Variants in SSBP2 observed in about 807,000 individuals in gnomAD.
The protein encoded by SSBP2 is single stranded DNA binding protein 2.
SSBP2 carries 17 observed loss-of-function variants against 61.8 expected under a neutral mutation model. The observed-to-expected ratio is 0.28, with a 90% CI of 0.19 to 0.41. SSBP2 has a LOEUF of 0.41. Among genes scored for constraint, SSBP2 ranks in the 10% least tolerant of loss-of-function variants. The probability of loss-of-function intolerance (pLI) is 1.00; values close to 1 mark genes in which losing one functional copy is unlikely to be tolerated. For missense variants in SSBP2, 310 were observed against 458.7 expected (o/e 0.68, Z 2.96); for synonymous variants, 139 against 141.3 (o/e 0.98, Z 0.12).
intron 1 of SSBP2, among the ~76,000 whole-genome samples, chr5:81,743,537 G>A (rs1346243927): frequency 3.9e-5 from 6 of 152,186 alleles, no homozygotes; most frequent in Non-Finnish European, 8.8e-5. Context: ...CATGAAAGCA[G>A]GGACTCATTT....
intron 1 of SSBP2, among the ~76,000 whole-genome samples, chr5:81,695,288 T>C (rs1381713267): frequency 1.3e-5 from 2 of 152,166 alleles, no homozygotes; most frequent in Admixed American, 6.5e-5. Flanking sequence ...AGTAATTACA[T>C]AGCAAATGCA....
rs148261957 is a variant in SSBP2 at position 81,534,515 on chromosome 5, T to C, written c.283-20798A>G. On this transcript the variant is annotated intron_variant, in intron 4 of 16. Transcript: ENST00000320672. ...GACAATGTAAGGAGAAAGATGAAAA[T>C]TCTAAGAATAAAAAAGAAATGCTAG... Among the ~76,000 whole-genome samples the C allele has an allele frequency of 7.1e-4, 108 of 152,022 alleles. 1 individual carries two copies. In the East Asian group the frequency reaches 0.02, roughly 28 times the overall value.
chr5:81,465,239 G>A (rs1053586417), intron 9 of SSBP2, among the ~76,000 whole-genome samples: 6 of 152,008 alleles, frequency 3.9e-5, no homozygotes, highest in African/African-American at 1.2e-4. Context: ...TATATTAATA[G>A]TAAAATATGA....
intron 4 of SSBP2, among the ~76,000 whole-genome samples, chr5:81,532,830 C>A (rs1401109872): frequency 6.6e-6 from 1 of 151,538 alleles, no homozygotes; most frequent in African/African-American, 2.4e-5. Context: ...GTAAATGGAT[C>A]AAAATGACAA....
chr5:81,592,751 A>G (rs181338680), intron 4 of SSBP2, among the ~76,000 whole-genome samples: 1 of 152,168 alleles, frequency 6.6e-6, no homozygotes. Context: ...GGACCTCTAG[A>G]AAACTCCAAC....
chr5:81,504,776 C>T (rs1768052269), intron 5 of SSBP2, among the ~76,000 whole-genome samples: 1 of 152,136 alleles, frequency 6.6e-6, no homozygotes, highest in Non-Finnish European at 1.5e-5. Flanking sequence ...ACAAGAATTT[C>T]TATTTATCTT....
chr5:81,694,329 T>C (rs1178834026), intron 1 of SSBP2, among the ~76,000 whole-genome samples: 1 of 152,228 alleles, frequency 6.6e-6, no homozygotes, highest in Non-Finnish European at 1.5e-5. Flanking sequence ...TAGAATTGTA[T>C]TGTGTGTAAC....
At chr5:81,438,033 T>C (rs1762782338) in intron 14 of SSBP2, among the ~76,000 whole-genome samples, 1 of 152,124 alleles carries the variant, frequency 6.6e-6, no homozygotes, top group South Asian at 2.1e-4. Flanking sequence ...AAATAAACAA[T>C]CAATATGAAT....
At chr5:81,601,925 T>A (rs1226439904) in intron 4 of SSBP2, among the ~76,000 whole-genome samples, 1 of 152,168 alleles carries the variant, frequency 6.6e-6, no homozygotes, top group Non-Finnish European at 1.5e-5. Flanking sequence ...ACAAGACAAT[T>A]GCAATAGATA....
At chr5:81,703,761 TTTTAGA>T (rs1451630390) in intron 1 of SSBP2, among the ~76,000 whole-genome samples, 2 of 152,214 alleles carry the variant, frequency 1.3e-5, no homozygotes, top group African/African-American at 4.8e-5. Context: ...AGTCAATTTA[TTTTAGA>T]TTATCTTTCA....
At chr5:81,728,493 T>C (rs1043297327) in intron 1 of SSBP2, among the ~76,000 whole-genome samples, 2 of 152,198 alleles carry the variant, frequency 1.3e-5, no homozygotes, top group African/African-American at 2.4e-5. Flanking sequence ...ATTTCAGTTA[T>C]AGTCCTGACT....
chr5:81,682,573 G>A (rs1010255312), intron 1 of SSBP2, among the ~76,000 whole-genome samples: 3 of 151,940 alleles, frequency 2.0e-5, no homozygotes, highest in South Asian at 2.1e-4. Context: ...CATATTTAAC[G>A]GTGAAAAACC....
intron 1 of SSBP2, among the ~76,000 whole-genome samples, chr5:81,670,852 C>T (rs1349282466): frequency 3.3e-5 from 5 of 152,096 alleles, no homozygotes; most frequent in Admixed American, 3.3e-4. Context: ...TCTCTGTGCT[C>T]GTCTAGCTGT....
At chr5:81,579,826 A>T (rs902744639) in intron 4 of SSBP2, among the ~76,000 whole-genome samples, 2 of 152,166 alleles carry the variant, frequency 1.3e-5, no homozygotes, top group African/African-American at 4.8e-5. Context: ...TGCCAATGAC[A>T]GTTTTCAAAT....
intron 4 of SSBP2, among the ~76,000 whole-genome samples, chr5:81,591,616 A>G (rs1369588997): frequency 6.6e-6 from 1 of 152,230 alleles, no homozygotes; most frequent in Non-Finnish European, 1.5e-5. Flanking sequence ...GAAATGATAG[A>G]AATAAAAAAT....
chr5:81,609,870 C>G (rs1354675185), intron 4 of SSBP2, among the ~76,000 whole-genome samples: 2 of 152,132 alleles, frequency 1.3e-5, no homozygotes, highest in African/African-American at 4.8e-5. Flanking sequence ...ATGCATTCCC[C>G]TATTCTGAGC....
chr5:81,680,890 C>T (rs928227491), intron 1 of SSBP2, among the ~76,000 whole-genome samples: 97 of 152,310 alleles, frequency 6.4e-4, no homozygotes, highest in African/African-American at 2.3e-3. Flanking sequence ...TAAGGACCTA[C>T]TTGAACTCAA....
intron 4 of SSBP2, among the ~76,000 whole-genome samples, chr5:81,533,599 T>C (rs1389447529): frequency 2.0e-5 from 3 of 151,950 alleles, no homozygotes. Flanking sequence ...AGTAAAAAGC[T>C]GAACAAACTG....
chr5:81,557,941 A>G lies in SSBP2; in HGVS notation c.283-44224T>C, dbSNP rs1038961747. Among the ~76,000 whole-genome samples, 3 of 152,232 alleles carry G rather than the reference A, an allele frequency of 2.0e-5. No homozygotes were observed. The East Asian group carries it at 5.8e-4, about 29-fold the overall frequency. The stretch of plus-strand genomic sequence containing the variant: ...TGTTGGGTGCTGGATTTACATTTCT[A>G]TATATATTCTTGAGCTTTGTTCTGG... On this transcript the variant is annotated intron_variant, in intron 4 of 16. Coordinates refer to ENST00000320672, the MANE Select transcript of SSBP2 (RefSeq NM_012446.5).
Sources: gnomAD v4.1 joint callset for allele counts (sites outside exome capture counted in the v4.1 genomes callset) on GRCh38, gnomAD v4.1.1 for gene constraint, MANE v1.5 for transcripts, NCBI Gene and HGNC (gene_info 2026-07-23, HGNC 2026-07-21) for gene names.